The following PPP1R13B variants were observed in gnomAD, a reference collection of about 807,000 sequenced individuals.
PPP1R13B encodes apoptosis-stimulating of p53 protein 1.
In PPP1R13B, 44 loss-of-function variants were observed where a neutral mutation model predicts 119.8. The observed-to-expected ratio is 0.37, with a 90% confidence interval of 0.29 to 0.47. The LOEUF (loss-of-function observed/expected upper bound fraction) is 0.47. PPP1R13B is among the 20% of genes least tolerant of loss of function. The pLI, the probability that PPP1R13B is intolerant of heterozygous loss-of-function variation, is 0.99. For synonymous variants in PPP1R13B, 542 were observed against 561.5 expected, an observed-to-expected ratio of 0.97 and a Z score of 0.49; for missense variants, 1,227 against 1,413.5, an observed-to-expected ratio of 0.87 and a Z score of 2.12.
chr14:103,848,519 C>G, upstream of PPP1R13B: 1 of 983,494 alleles, frequency 1.0e-6, no homozygotes, highest in Non-Finnish European at 1.2e-6. Flanking sequence ...GGAGAGCAGA[C>G]AGGGGGACTG....
In PPP1R13B at chr14:103,740,076, T is replaced by C; in HGVS notation, c.2340A>G (p.Pro780=). ...EELPPAQPTA[P]LPAEPAPSSD... Reference sequence around the variant, plus strand: ...ATGACGGGGCAGGCTCAGCGGGGAGTGGGGCTGTGGGCTGGGCAGGGGGGA... The same window carrying C: ...ATGACGGGGCAGGCTCAGCGGGGAGCGGGGCTGTGGGCTGGGCAGGGGGGA... The change falls in exon 12 of 17, where the codon CCA becomes CCG. Residue 780 remains proline (P), a synonymous_variant. Coordinates refer to ENST00000202556, the MANE Select transcript of PPP1R13B (RefSeq NM_015316.3). The surrounding 1 kb of genome is among the most constrained non-coding windows in gnomAD (Gnocchi z 4.6). 6.2e-7 allele frequency: 1 copy of C among 1,612,334 alleles called. No individual in the cohort carries two copies. The highest frequency in any genetic ancestry group is 8.5e-7 in the Non-Finnish European group (1 of 1,179,676).
At chr14:103,819,063 A>G (rs558473999) in intron 1 of PPP1R13B, among the ~76,000 whole-genome samples, 23 of 152,316 alleles carry the variant, frequency 1.5e-4, no homozygotes, top group Admixed American at 1.0e-3. Context: ...TTGAAGGAAG[A>G]CCATTCAGGC....
intron 1 of PPP1R13B, among the ~76,000 whole-genome samples, chr14:103,802,550 G>C (rs2085925073): frequency 6.6e-6 from 1 of 152,114 alleles, no homozygotes; most frequent in South Asian, 2.1e-4. Flanking sequence ...TCAACGCTCT[G>C]AGCTAGCAAA....
At chr14:103,841,614 A>C (rs181502882) in intron 1 of PPP1R13B, among the ~76,000 whole-genome samples, 1 of 152,060 alleles carries the variant, frequency 6.6e-6, no homozygotes, top group East Asian at 1.9e-4. Context: ...AGAAAAAAAA[A>C]TTTTTTTAAA....
chr14:103,844,580 T>C (rs929456327), intron 1 of PPP1R13B, among the ~76,000 whole-genome samples: 2 of 151,682 alleles, frequency 1.3e-5, no homozygotes, highest in African/African-American at 4.8e-5. Flanking sequence ...AATACAAAAA[T>C]TAGCCAGGCA....
At position 103,757,754 on chromosome 14, in the gene PPP1R13B, A is replaced by T. The variant is rs1483936189; in HGVS notation, c.355-3T>A. The stretch of plus-strand genomic sequence containing the variant: ...AGTTCAACACGTGGATTCCCAACCT[A>T]AACAAAAAGCACTTATTTTGGAACA... On this transcript the variant is annotated splice_polypyrimidine_tract_variant and splice_region_variant and intron_variant, in intron 4 of 16. Transcript: ENST00000202556. The T allele has an allele frequency of 1.2e-6, 2 of 1,611,310 alleles. No homozygotes were observed. Among genetic ancestry groups the T allele is most frequent in the Non-Finnish European group, 1.7e-6 (2 of 1,178,218 alleles).
intron 2 of PPP1R13B, among the ~76,000 whole-genome samples, chr14:103,795,031 C>T (rs1225560015): frequency 6.6e-6 from 1 of 152,184 alleles, no homozygotes; most frequent in Admixed American, 6.5e-5. Context: ...GCAACCTCCG[C>T]CTCCGGGTTT....
At chr14:103,842,796 G>A (rs1184289132) in intron 1 of PPP1R13B, among the ~76,000 whole-genome samples, 1 of 150,690 alleles carries the variant, frequency 6.6e-6, no homozygotes, top group East Asian at 2.0e-4. Context: ...GCCAAACATG[G>A]GGAAATTCCA....
intron 1 of PPP1R13B, among the ~76,000 whole-genome samples, chr14:103,844,446 A>G (rs779639416): frequency 3.6e-4 from 54 of 152,104 alleles, no homozygotes; most frequent in South Asian, 1.2e-3. Context: ...AAGTTACCAC[A>G]TGGCCGGGCG....
chr14:103,788,147 T>C (rs910555267), intron 2 of PPP1R13B, among the ~76,000 whole-genome samples: 1 of 151,642 alleles, frequency 6.6e-6, no homozygotes, highest in African/African-American at 2.4e-5. Flanking sequence ...AGATTAAAAA[T>C]GCTAGAATGA....
chr14:103,829,056 AGAT>A (rs2086611734), intron 1 of PPP1R13B, among the ~76,000 whole-genome samples: 1 of 152,260 alleles, frequency 6.6e-6, no homozygotes, highest in South Asian at 2.1e-4. Context: ...CTGCAAAAAA[AGAT>A]AAAACCATGA....
intron 1 of PPP1R13B, among the ~76,000 whole-genome samples, chr14:103,834,571 A>T (rs942413869): frequency 9.5e-5 from 14 of 146,836 alleles, no homozygotes; most frequent in Non-Finnish European, 1.5e-4. Context: ...GGGAAGGTAA[A>T]TTTTAATGTC....
At chr14:103,805,845 G>A (rs2086005016) in intron 1 of PPP1R13B, among the ~76,000 whole-genome samples, 2 of 152,158 alleles carry the variant, frequency 1.3e-5, no homozygotes, top group Admixed American at 1.3e-4. Context: ...GAGAAAGAAA[G>A]ATGTGTGGTT....
intron 1 of PPP1R13B, among the ~76,000 whole-genome samples, chr14:103,830,756 T>C (rs2086647574): frequency 6.6e-6 from 1 of 152,182 alleles, no homozygotes; most frequent in Non-Finnish European, 1.5e-5. Flanking sequence ...AGGCAAAATC[T>C]GAAATTGTGT....
intron 4 of PPP1R13B, among the ~76,000 whole-genome samples, chr14:103,769,084 CT>C (rs906189523): frequency 6.6e-6 from 1 of 151,952 alleles, no homozygotes; most frequent in African/African-American, 2.4e-5. Flanking sequence ...CTGCACTGAT[CT>C]TTTTTCTTTC....
chr14:103,758,275 T>A (rs1052668036), intron 4 of PPP1R13B, among the ~76,000 whole-genome samples: 3 of 152,204 alleles, frequency 2.0e-5, no homozygotes, highest in Non-Finnish European at 4.4e-5. Context: ...GAAATCAACA[T>A]GCAAAGTAAC....
chr14:103,821,754 AAAAATAAATAAAT>A (rs1365677961), intron 1 of PPP1R13B, among the ~76,000 whole-genome samples: 3 of 152,110 alleles, frequency 2.0e-5, no homozygotes, highest in Non-Finnish European at 2.9e-5. Context: ...TCCACCTCAA[AAAAATAAATAAAT>A]AAAATAAATA....
Position 103,741,970 on chromosome 14 carries a change from G to GT in PPP1R13B, c.1641_1642insA (p.Pro548ThrfsTer7). On this transcript the variant is annotated frameshift_variant, in exon 11 of 17. Coordinates refer to ENST00000202556, the MANE Select transcript of PPP1R13B (RefSeq NM_015316.3). LOFTEE classifies it high-confidence loss of function. ...AAAGGCCTAATGGCCACTGTCAGTG[G>GT]GAGTTCAGGCTTGCTGTCCCCAGCT... The GT allele has an allele frequency of 1.2e-6, 2 of 1,614,264 alleles. No homozygotes were observed. Among genetic ancestry groups the GT allele is most frequent in the Non-Finnish European group, 1.7e-6 (2 of 1,180,052 alleles).
chr14:103,758,986 T>C (rs540488776), intron 4 of PPP1R13B, among the ~76,000 whole-genome samples: 1 of 149,818 alleles, frequency 6.7e-6, no homozygotes, highest in South Asian at 2.1e-4. Context: ...TGAGACGGAG[T>C]CTCGCTCTGT....
Sources: allele counts gnomAD v4.1 joint callset (sites outside exome capture counted in the v4.1 genomes callset), GRCh38; gene constraint gnomAD v4.1.1; non-coding constraint Gnocchi (gnomAD v3.1); transcripts MANE v1.5; gene names NCBI Gene and HGNC (gene_info 2026-07-23, HGNC 2026-07-21).